DACH2: variants seen among roughly 807,000 people sequenced by gnomAD.
The protein encoded by DACH2 is dachshund homolog 2.
In DACH2, 17 loss-of-function variants were observed where a neutral mutation model predicts 35.8. The ratio of observed to expected loss-of-function variants is 0.48; its 90% CI spans 0.33 to 0.71. The LOEUF (loss-of-function observed/expected upper bound fraction) is 0.71. DACH2 is among the 30% of genes least tolerant of loss of function. The pLI, the probability that DACH2 is intolerant of heterozygous loss-of-function variation, is 0.02. For missense variants in DACH2, 469 were observed against 472.7 expected (o/e 0.99, Z 0.07); for synonymous variants, 195 against 177.3 (o/e 1.10, Z -0.79).
chrX:86,234,720 C>G (rs937491648), intron 1 of DACH2, among the ~76,000 whole-genome samples: 14 of 108,611 alleles, frequency 1.3e-4, no homozygotes, highest in Admixed American at 3.0e-4. Context: ...CTCCAGTGAT[C>G]CTCCCACCTC....
chrX:86,475,580 T>G (rs763796706), intron 2 of DACH2, among the ~76,000 whole-genome samples: 4 of 112,282 alleles, frequency 3.6e-5, no homozygotes, highest in Non-Finnish European at 7.5e-5. Context: ...TAACAATTTT[T>G]TGGTGGACTC....
At chrX:86,385,683 A>G (rs142939640) in intron 2 of DACH2, among the ~76,000 whole-genome samples, 22 of 111,122 alleles carry the variant, frequency 2.0e-4, no homozygotes, top group African/African-American at 6.5e-4. Context: ...AGTGATGACT[A>G]TATTTTACTT....
At chrX:86,407,669 C>T (rs956036986) in intron 2 of DACH2, among the ~76,000 whole-genome samples, 9 of 112,027 alleles carry the variant, frequency 8.0e-5, no homozygotes, top group African/African-American at 2.9e-4. Context: ...TTTGATAAGT[C>T]AGTGATGCAG....
At chrX:86,156,098 A>G (rs2030536379) in intron 1 of DACH2, among the ~76,000 whole-genome samples, 1 of 111,302 alleles carries the variant, frequency 9.0e-6, no homozygotes, top group Non-Finnish European at 1.9e-5. Context: ...GAGACTGTGA[A>G]TTTAAGAAGT....
intron 1 of DACH2, among the ~76,000 whole-genome samples, chrX:86,370,386 C>G (rs774004897): frequency 9.0e-5 from 10 of 111,632 alleles, no homozygotes; most frequent in Non-Finnish European, 1.9e-4. Flanking sequence ...AGTATATCTA[C>G]CATAAATGTT....
At chrX:86,314,705 TG>T (rs2034864147) in intron 1 of DACH2, among the ~76,000 whole-genome samples, 1 of 112,162 alleles carries the variant, frequency 8.9e-6, no homozygotes, top group African/African-American at 3.2e-5. Flanking sequence ...AACAGGCTTT[TG>T]CTGATGTGAA....
intron 6 of DACH2, among the ~76,000 whole-genome samples, chrX:86,738,420 G>A (rs923349863): frequency 9.0e-6 from 1 of 111,697 alleles, no homozygotes; most frequent in Non-Finnish European, 1.9e-5. Context: ...GCACATATTC[G>A]ACAAATTATT....
intron 3 of DACH2, among the ~76,000 whole-genome samples, chrX:86,515,309 T>G: frequency 9.0e-6 from 1 of 110,602 alleles, no homozygotes; most frequent in East Asian, 2.9e-4. Flanking sequence ...TGGAAGCAGT[T>G]ATATCAATTT....
At chrX:86,707,502 A>C (rs1046871628) in intron 5 of DACH2, among the ~76,000 whole-genome samples, 4 of 111,862 alleles carry the variant, frequency 3.6e-5, no homozygotes, top group African/African-American at 1.3e-4. Flanking sequence ...AATTACCTAA[A>C]TACCAAAATA....
intron 2 of DACH2, among the ~76,000 whole-genome samples, chrX:86,469,173 A>T (rs2037723196): frequency 9.0e-6 from 1 of 111,148 alleles, no homozygotes; most frequent in African/African-American, 3.3e-5. Context: ...AAAATCACGG[A>T]GTAAAATGGT....
intron 3 of DACH2, among the ~76,000 whole-genome samples, chrX:86,567,242 G>T (rs2039304480): frequency 8.9e-6 from 1 of 111,807 alleles, no homozygotes; most frequent in South Asian, 3.7e-4. Flanking sequence ...GGAAAGATAG[G>T]TTGTGATTTA....
intron 1 of DACH2, among the ~76,000 whole-genome samples, chrX:86,214,823 A>T (rs1208549775): frequency 2.7e-5 from 3 of 111,937 alleles, no homozygotes; most frequent in Non-Finnish European, 5.7e-5. Flanking sequence ...TTAAAGTAGA[A>T]GAAAATACAT....
chrX:86,693,365 T>C (rs183067590), intron 4 of DACH2, among the ~76,000 whole-genome samples: 2 of 112,015 alleles, frequency 1.8e-5, no homozygotes, highest in Non-Finnish European at 3.8e-5. Flanking sequence ...TCTTTACATA[T>C]ACTGTGCTAG....
rs539898920 is a variant in DACH2, at chrX:86,166,727, A to G, written c.488+17619A>G. ...GTCATATATGGCTTTTATTTTGTTG[A>G]GATATATTCCTTCTATCCCCAGTTT... On this transcript the variant is annotated intron_variant, in intron 1 of 11. Coordinates refer to ENST00000373125, the MANE Select transcript of DACH2 (RefSeq NM_053281.3). Among the ~76,000 whole-genome samples, 5 of 111,199 alleles carry G rather than the reference A, an allele frequency of 4.5e-5. No homozygotes were observed. The South Asian group carries it at 1.9e-3, about 42-fold the overall frequency.
chrX:86,694,312 CTG>C (rs1264773536), intron 4 of DACH2, among the ~76,000 whole-genome samples: 4 of 112,430 alleles, frequency 3.6e-5, no homozygotes, highest in Non-Finnish European at 5.6e-5. Flanking sequence ...GGAAATTATT[CTG>C]TGTTTGTTTT....
At chrX:86,406,562 A>G (rs1300658099) in intron 2 of DACH2, among the ~76,000 whole-genome samples, 2 of 112,148 alleles carry the variant, frequency 1.8e-5, no homozygotes, top group Admixed American at 1.9e-4. Flanking sequence ...AAGAGAAAGA[A>G]GTTTGTTAGA....
At chrX:86,584,384 ATT>A (rs959793362) in intron 3 of DACH2, among the ~76,000 whole-genome samples, 3 of 109,436 alleles carry the variant, frequency 2.7e-5, no homozygotes, top group African/African-American at 6.6e-5. Context: ...GTGGTTTGAT[ATT>A]TTCCTGTTTT....
chrX:86,489,381 G>T (rs1032374614), intron 2 of DACH2, among the ~76,000 whole-genome samples: 1 of 110,438 alleles, frequency 9.1e-6, no homozygotes, highest in African/African-American at 3.3e-5. Flanking sequence ...ATTTATGGAA[G>T]AATGTTTCCT....
intron 2 of DACH2, among the ~76,000 whole-genome samples, chrX:86,424,496 TA>T (rs1453149047): frequency 9.0e-6 from 1 of 111,443 alleles, no homozygotes; most frequent in African/African-American, 3.3e-5. Flanking sequence ...TGTTGGCATA[TA>T]AAAATGCTAC....
Sources: allele counts gnomAD v4.1 joint callset (sites outside exome capture counted in the v4.1 genomes callset), GRCh38; gene constraint gnomAD v4.1.1; transcripts MANE v1.5; gene names NCBI Gene and HGNC (gene_info 2026-07-23, HGNC 2026-07-21).